LTBP1: variants seen among roughly 807,000 people sequenced by gnomAD.
LTBP1 encodes the protein latent transforming growth factor beta binding protein 1.
LTBP1 carries 129 observed loss-of-function variants against 207.6 expected under a neutral mutation model. The ratio of observed to expected loss-of-function variants is 0.62; its 90% CI spans 0.54 to 0.72. The LOEUF is 0.72. LTBP1 is among the 30% of genes least tolerant of loss of function. LTBP1 has a pLI of 0.00. For synonymous variants in LTBP1, 963 were observed against 833.7 expected (o/e 1.16, Z -2.67); for missense variants, 2,281 against 2,217.2 (o/e 1.03, Z -0.58).
chr2:33,059,009 C>T (rs552269835), intron 3 of LTBP1, among the ~76,000 whole-genome samples: 33 of 152,224 alleles, frequency 2.2e-4, no homozygotes, highest in Non-Finnish European at 1.0e-4. Context: ...CATTTACTGC[C>T]GCTTGAAGTT....
At chr2:33,040,040 G>T (rs1482769716) in intron 3 of LTBP1, among the ~76,000 whole-genome samples, 3 of 152,180 alleles carry the variant, frequency 2.0e-5, no homozygotes, top group Admixed American at 2.0e-4. Flanking sequence ...TGGAATCTGG[G>T]AGTGGTTGGG....
At chr2:33,329,877 T>C (rs1392867553) in intron 24 of LTBP1, among the ~76,000 whole-genome samples, 1 of 152,080 alleles carries the variant, frequency 6.6e-6, no homozygotes, top group Non-Finnish European at 1.5e-5. Flanking sequence ...CCTTTGCATT[T>C]CTATATAAAT....
At chr2:33,212,558 T>C (rs2090392283) in intron 7 of LTBP1, among the ~76,000 whole-genome samples, 1 of 152,208 alleles carries the variant, frequency 6.6e-6, no homozygotes, top group Non-Finnish European at 1.5e-5. Flanking sequence ...GTAAAGGTCA[T>C]CTGCTTCATA....
intron 30 of LTBP1, 68 bp from the exon 31 acceptor site, chr2:33,365,265 C>A: frequency 1.4e-6 from 2 of 1,388,744 alleles, no homozygotes. Flanking sequence ...GACTTGCTGG[C>A]TTCCAACACA....
chr2:32,994,313 A>G (rs1290658373), intron 2 of LTBP1, among the ~76,000 whole-genome samples: 1 of 152,010 alleles, frequency 6.6e-6, no homozygotes, highest in Non-Finnish European at 1.5e-5. Context: ...TCTTTATGAG[A>G]TAGGTACTAT....
intron 19 of LTBP1, among the ~76,000 whole-genome samples, chr2:33,282,161 T>C (rs1376447713): frequency 2.6e-5 from 4 of 151,936 alleles, no homozygotes; most frequent in Non-Finnish European, 4.4e-5. Flanking sequence ...AGTAGAATCA[T>C]AAGCAGAAAT....
At chr2:33,095,490 A>G (rs773821465) in intron 3 of LTBP1, among the ~76,000 whole-genome samples, 5 of 152,152 alleles carry the variant, frequency 3.3e-5, no homozygotes, top group African/African-American at 7.2e-5. Context: ...CAACAAAATA[A>G]TTAACATTAT....
rs185001151 is a variant in LTBP1, at chr2:33,305,467, G to A, written c.3481+3823G>A. On this transcript the variant is annotated intron_variant, in intron 22 of 33. Coordinates refer to ENST00000404816, the MANE Select transcript of LTBP1 (RefSeq NM_206943.4). ...AAAGAGGCAAGTAGAGGCCTCGCTGGGATGATAACACTTAATCATTTATGG... is the reference window on the plus strand; with the variant it reads ...AAAGAGGCAAGTAGAGGCCTCGCTGAGATGATAACACTTAATCATTTATGG... 1.1e-3 allele frequency among the ~76,000 whole-genome samples: 173 copies of A among 152,256 alleles called. 1 individual carries two copies. Among genetic ancestry groups the A allele is most frequent in the Non-Finnish European group, 2.0e-3 (134 of 68,024 alleles).
chr2:33,125,282 A>G (rs2081361392), intron 4 of LTBP1, among the ~76,000 whole-genome samples: 1 of 152,230 alleles, frequency 6.6e-6, no homozygotes, highest in African/African-American at 2.4e-5. Flanking sequence ...TCTGGTGAAC[A>G]TCTCTGGTTT....
intron 6 of LTBP1, among the ~76,000 whole-genome samples, chr2:33,188,293 C>T (rs1558779867): frequency 2.6e-5 from 4 of 151,834 alleles, no homozygotes; most frequent in African/African-American, 9.7e-5. Flanking sequence ...TGGTGGTGGG[C>T]ACCTGTAATC....
intron 10 of LTBP1, among the ~76,000 whole-genome samples, chr2:33,246,231 C>G (rs1443954383): frequency 6.6e-6 from 1 of 152,118 alleles, no homozygotes; most frequent in African/African-American, 2.4e-5. Flanking sequence ...ATTTCTCTTT[C>G]CTCTGAATTT....
rs1237848721 is a variant in LTBP1, at chr2:33,218,914, T to C, written c.1804+1260T>C. Reference sequence around the variant, plus strand: ...TTTGTTTACTCCTCTTATCTGTTGATTTGATTGTATTCTCAAATGCCTTTT... The same window carrying C: ...TTTGTTTACTCCTCTTATCTGTTGACTTGATTGTATTCTCAAATGCCTTTT... On this transcript the variant is annotated intron_variant, in intron 8 of 33. Coordinates refer to ENST00000404816, the MANE Select transcript of LTBP1 (RefSeq NM_206943.4). 2.0e-5 allele frequency among the ~76,000 whole-genome samples: 3 copies of C among 152,228 alleles called. No individual in the cohort carries two copies. The East Asian group carries it at 5.8e-4, about 29-fold the overall frequency.
intron 3 of LTBP1, among the ~76,000 whole-genome samples, chr2:33,035,192 A>G (rs1256704350): frequency 6.6e-6 from 1 of 152,216 alleles, no homozygotes; most frequent in Non-Finnish European, 1.5e-5. Flanking sequence ...TTAGAAACAA[A>G]TGAGTTTCTT....
intron 22 of LTBP1, among the ~76,000 whole-genome samples, chr2:33,307,497 A>T (rs898025665): frequency 6.6e-6 from 1 of 152,230 alleles, no homozygotes; most frequent in African/African-American, 2.4e-5. Context: ...ACTTGGGTGA[A>T]TCTCAAAACT....
Position 33,300,577 on chromosome 2 carries a change from A to AC in LTBP1, c.3358+4_3358+5insC. On this transcript the variant is annotated splice_donor_region_variant and intron_variant, in intron 21 of 33. Coordinates refer to ENST00000404816, the MANE Select transcript of LTBP1 (RefSeq NM_206943.4). The stretch of plus-strand genomic sequence containing the variant: ...GCAGCTAAAGACCAGTGTGAAGGTA[A>AC]GAGGGTAGTAACATGAACTACTGAA... The AC allele has an allele frequency of 6.2e-7, 1 of 1,612,278 alleles. No homozygotes were observed. The highest frequency in any genetic ancestry group is 8.5e-7 in the Non-Finnish European group (1 of 1,178,856).
At chr2:33,380,560 A>G (rs1189354315) in intron 31 of LTBP1, among the ~76,000 whole-genome samples, 1 of 152,088 alleles carries the variant, frequency 6.6e-6, no homozygotes. Flanking sequence ...CAAGAGTGAA[A>G]CTCCGTCTTT....
At chr2:33,285,016 G>T (rs926182467) in intron 19 of LTBP1, among the ~76,000 whole-genome samples, 5 of 147,642 alleles carry the variant, frequency 3.4e-5, no homozygotes, top group African/African-American at 5.0e-5. Context: ...ACTTGGTAAA[G>T]TAAGTTATGT....
At chr2:33,025,207 C>T (rs1470931204) in intron 3 of LTBP1, among the ~76,000 whole-genome samples, 1 of 152,144 alleles carries the variant, frequency 6.6e-6, no homozygotes, top group East Asian at 1.9e-4. Flanking sequence ...TAGTGAGTTG[C>T]TAAGTCTAGT....
intron 24 of LTBP1, among the ~76,000 whole-genome samples, chr2:33,326,309 A>G (rs1378155836): frequency 2.6e-5 from 4 of 152,212 alleles, no homozygotes; most frequent in African/African-American, 9.6e-5. Flanking sequence ...CATGCCCAGC[A>G]CAAACTGCGT....
Sources: allele counts gnomAD v4.1 joint callset (sites outside exome capture counted in the v4.1 genomes callset), GRCh38; gene constraint gnomAD v4.1.1; transcripts MANE v1.5; gene names NCBI Gene and HGNC (gene_info 2026-07-23, HGNC 2026-07-21).